STRN3: variants seen among roughly 807,000 people sequenced by gnomAD.
The protein encoded by STRN3 is striatin-3.
A neutral mutation model predicts 95.6 loss-of-function variants in STRN3; 29 were observed. The observed-to-expected ratio is 0.30, with a 90% CI of 0.23 to 0.41. STRN3 has a LOEUF of 0.41. Among genes scored for constraint, STRN3 ranks in the 10% least tolerant of loss-of-function variants. The pLI is 1.00. For synonymous variants in STRN3, 331 were observed against 357.6 expected (o/e 0.93, Z 0.84); for missense variants, 890 against 972.1 (o/e 0.92, Z 1.12).
intron 7 of STRN3, among the ~76,000 whole-genome samples, chr14:30,934,892 T>C (rs2139071570): frequency 6.6e-6 from 1 of 152,278 alleles, no homozygotes; most frequent in Non-Finnish European, 1.5e-5. Context: ...GGAAAGAAAT[T>C]GGATTTCCAA....
chr14:31,016,524 T>G (rs1021536742), intron 1 of STRN3, among the ~76,000 whole-genome samples: 1 of 151,678 alleles, frequency 6.6e-6, no homozygotes, highest in Admixed American at 6.6e-5. Flanking sequence ...GGCAAAAATA[T>G]TCCAGAAAAA....
At chr14:30,944,552 C>CATATATATATATATATACAT (rs1566449684) in intron 5 of STRN3, among the ~76,000 whole-genome samples, 1 of 64,020 alleles carries the variant, frequency 1.6e-5, no homozygotes, top group Non-Finnish European at 3.0e-5. Context: ...TATATATACA[C>CATATATATATATATATACAT]GTATATATAT....
At chr14:30,918,561 AGTT>A (rs1896800077) in intron 9 of STRN3, among the ~76,000 whole-genome samples, 1 of 152,104 alleles carries the variant, frequency 6.6e-6, no homozygotes, top group Non-Finnish European at 1.5e-5. Context: ...CTGGCACCAT[AGTT>A]GTCTTCTAGT....
At chr14:30,953,049 T>G (rs1879729969) in intron 3 of STRN3, among the ~76,000 whole-genome samples, 1 of 152,218 alleles carries the variant, frequency 6.6e-6, no homozygotes, top group African/African-American at 2.4e-5. Flanking sequence ...TTGAACATTC[T>G]CTGTATGGCA....
At chr14:30,903,844 T>C (rs1420684614) in intron 15 of STRN3, among the ~76,000 whole-genome samples, 1 of 152,220 alleles carries the variant, frequency 6.6e-6, no homozygotes, top group Non-Finnish European at 1.5e-5. Flanking sequence ...TGTATATCAC[T>C]AGTGGAATAT....
In STRN3 at chr14:30,895,394, T is replaced by G. The variant is rs749561615; in HGVS notation, c.*17A>C. 1 of 1,585,358 alleles carries G rather than the reference T, an allele frequency of 6.3e-7. No individual in the cohort carries two copies. Among genetic ancestry groups the G allele is most frequent in the South Asian group, 1.1e-5 (1 of 87,828 alleles). ...TCTGTCCAAGCAAATCTTGTTACGA[T>G]GCAAGTTTTTGTTGATTCATACAAA... is the stretch of plus-strand genomic sequence containing the variant. On this transcript the variant is annotated 3_prime_UTR_variant, in exon 18 of 18. Coordinates refer to ENST00000357479, the MANE Select transcript of STRN3 (RefSeq NM_001083893.2).
At chr14:30,986,606 T>A (rs1881705206) in intron 1 of STRN3, among the ~76,000 whole-genome samples, 1 of 152,232 alleles carries the variant, frequency 6.6e-6, no homozygotes, top group African/African-American at 2.4e-5. Context: ...ACAGGCCACA[T>A]CATTTTATCC....
chr14:30,914,092 T>C (rs1409404250), intron 9 of STRN3, among the ~76,000 whole-genome samples: 5 of 152,216 alleles, frequency 3.3e-5, no homozygotes, highest in Non-Finnish European at 5.9e-5. Context: ...ATTTTTTAAA[T>C]GTTAATAGGT....
Position 30,939,435 on chromosome 14 carries a change from G to C in STRN3, c.717-2811C>G, listed in dbSNP as rs546002715. 3.3e-5 allele frequency among the ~76,000 whole-genome samples: 5 copies of C among 152,222 alleles called. No homozygotes were observed. The South Asian group carries it at 1.0e-3, about 32-fold the overall frequency. On this transcript the variant is annotated intron_variant, in intron 5 of 17. Coordinates refer to ENST00000357479, the MANE Select transcript of STRN3 (RefSeq NM_001083893.2). ...GATGAAGAGTAGAAAAAGATTAGAA[G>C]AGTTGCTGAGCTGAAGAATGAAATA...
intron 1 of STRN3, chr14:31,025,275 CAAGT>C (rs1883753811): frequency 1.3e-5 from 2 of 153,606 alleles, no homozygotes; most frequent in Middle Eastern, 3.4e-3. Context: ...ACAGAGAATC[CAAGT>C]GAGTAAGGCA....
intron 1 of STRN3, among the ~76,000 whole-genome samples, chr14:30,965,865 T>C (rs376471781): frequency 3.3e-5 from 5 of 152,168 alleles, no homozygotes; most frequent in African/African-American, 9.6e-5. Context: ...ATATGAGTTC[T>C]AAATTTCTTT....
At chr14:30,901,359 A>G (rs1201175836) in intron 16 of STRN3, among the ~76,000 whole-genome samples, 1 of 152,208 alleles carries the variant, frequency 6.6e-6, no homozygotes, top group Non-Finnish European at 1.5e-5. Context: ...GTAGACCTGT[A>G]AATATTCACT....
In STRN3 at chr14:30,947,991, A is replaced by T. The variant is rs551901101; in HGVS notation, c.543-728T>A. 2.0e-5 allele frequency among the ~76,000 whole-genome samples: 3 copies of T among 152,332 alleles called. No homozygotes were observed. In the South Asian group the frequency reaches 6.2e-4, roughly 32 times the overall value. ...GCTGGCAGAAGAACAAAAGATTTTT[A>T]GGTGAATGCTAAAGAGAAAAAGACT... On this transcript the variant is annotated intron_variant, in intron 4 of 17. Coordinates refer to ENST00000357479, the MANE Select transcript of STRN3 (RefSeq NM_001083893.2).
At chr14:30,953,814 G>C (rs138265760) in intron 3 of STRN3, among the ~76,000 whole-genome samples, 204 of 152,252 alleles carry the variant, frequency 1.3e-3, no homozygotes, top group African/African-American at 4.6e-3. Context: ...ATTTTTTGTA[G>C]AGATGAGGTT....
chr14:30,913,516 G>T lies in STRN3; in HGVS notation c.1374+8C>A. The T allele has an allele frequency of 6.3e-7, 1 of 1,585,850 alleles. No individual in the cohort carries two copies. The highest frequency in any genetic ancestry group is 1.2e-5 in the South Asian group (1 of 84,530). ...TCATTAAAAAATTAAAAATAAAACT[G>T]CACTTACATCATAACTATAGTCTGC... is the stretch of plus-strand genomic sequence containing the variant. On this transcript the variant is annotated splice_region_variant and intron_variant, in intron 10 of 17. Transcript: ENST00000357479.
chr14:30,977,550 G>A (rs182895353), intron 1 of STRN3, among the ~76,000 whole-genome samples: 110 of 151,616 alleles, frequency 7.3e-4, no homozygotes, highest in Non-Finnish European at 1.3e-3. Flanking sequence ...TTGGGAAGCC[G>A]AGGTGGGCAG....
At chr14:30,903,433 ACT>A (rs1324073138) in intron 15 of STRN3, among the ~76,000 whole-genome samples, 1 of 152,158 alleles carries the variant, frequency 6.6e-6, no homozygotes, top group African/African-American at 2.4e-5. Flanking sequence ...ACAAGGACTC[ACT>A]CTGTCACCTA....
intron 4 of STRN3, among the ~76,000 whole-genome samples, chr14:30,950,528 T>A (rs150703312): frequency 1.1e-4 from 17 of 152,332 alleles, no homozygotes; most frequent in African/African-American, 9.6e-5. Flanking sequence ...AAATTCATTC[T>A]CTAGACCGGT....
chr14:30,920,086 T>C (rs1896842568), intron 8 of STRN3, among the ~76,000 whole-genome samples: 1 of 152,166 alleles, frequency 6.6e-6, no homozygotes, highest in Non-Finnish European at 1.5e-5. Flanking sequence ...TGCTATATAT[T>C]AAGTTCACTG....
Sources: gnomAD v4.1 joint callset for allele counts (sites outside exome capture counted in the v4.1 genomes callset) on GRCh38, gnomAD v4.1.1 for gene constraint, MANE v1.5 for transcripts, NCBI Gene and HGNC (gene_info 2026-07-23, HGNC 2026-07-21) for gene names.